The following PRKG1 variants were observed in gnomAD, a reference collection of about 807,000 sequenced individuals.
The protein encoded by PRKG1 is protein kinase cGMP-dependent 1, also known as cGMP-dependent protein kinase 1.
In PRKG1, 35 loss-of-function variants were observed where a neutral mutation model predicts 88.1. The observed-to-expected ratio is 0.40, with a 90% confidence interval of 0.30 to 0.53. The LOEUF (loss-of-function observed/expected upper bound fraction) is 0.53. Among genes scored for constraint, PRKG1 ranks in the 20% least tolerant of loss-of-function variants. PRKG1 has a pLI of 0.59. For synonymous variants in PRKG1, 303 were observed against 292.5 expected (o/e 1.04, Z -0.37); for missense variants, 540 against 839.8 (o/e 0.64, Z 4.41).
chr10:51,090,791 C>G (rs544452033), intron 1 of PRKG1, among the ~76,000 whole-genome samples: 2 of 152,130 alleles, frequency 1.3e-5, no homozygotes, highest in African/African-American at 4.8e-5. Flanking sequence ...AGACCCACTG[C>G]TTTAATGATT....
chr10:51,505,949 G>GTT (rs34194744), intron 3 of PRKG1, among the ~76,000 whole-genome samples: 4 of 151,748 alleles, frequency 2.6e-5, no homozygotes, highest in Non-Finnish European at 4.4e-5. Context: ...ATTTTGAAGG[G>GTT]TTTTTTTGTG....
chr10:52,278,665 C>T (rs772456882), intron 12 of PRKG1, among the ~76,000 whole-genome samples: 3 of 152,034 alleles, frequency 2.0e-5, no homozygotes, highest in African/African-American at 4.8e-5. Context: ...TGGTGGCTCA[C>T]GCCTGTAATC....
chr10:51,022,744 A>G (rs1174206923), intron 1 of PRKG1, among the ~76,000 whole-genome samples: 1 of 152,232 alleles, frequency 6.6e-6, no homozygotes, highest in Non-Finnish European at 1.5e-5. Context: ...TACTCTGAAT[A>G]ACAAATATAG....
chr10:51,225,100 A>G (rs1838655553), intron 2 of PRKG1, among the ~76,000 whole-genome samples: 1 of 152,206 alleles, frequency 6.6e-6, no homozygotes, highest in African/African-American at 2.4e-5. Context: ...TGTGTAGCTT[A>G]TAAACAACAG....
At chr10:51,791,405 C>T (rs554321007) in intron 3 of PRKG1, among the ~76,000 whole-genome samples, 1 of 152,210 alleles carries the variant, frequency 6.6e-6, no homozygotes, top group Admixed American at 6.6e-5. Flanking sequence ...TTATAAACAG[C>T]TCCTCTGAAT....
intron 4 of PRKG1, among the ~76,000 whole-genome samples, chr10:51,808,296 C>T (rs1256904270): frequency 6.6e-6 from 1 of 152,018 alleles, no homozygotes; most frequent in African/African-American, 2.4e-5. Flanking sequence ...GACTTTATCA[C>T]TTTTTTCTTT....
intron 1 of PRKG1, among the ~76,000 whole-genome samples, chr10:50,997,605 T>A (rs990875519): frequency 2.0e-5 from 3 of 152,188 alleles, no homozygotes; most frequent in Non-Finnish European, 4.4e-5. Context: ...ATTATTTTCA[T>A]TTGCCATTGA....
intron 3 of PRKG1, among the ~76,000 whole-genome samples, chr10:51,772,627 CTGTT>C (rs1838332808): frequency 6.6e-6 from 1 of 150,542 alleles, no homozygotes; most frequent in Non-Finnish European, 1.5e-5. Flanking sequence ...TCTGAGTTTT[CTGTT>C]TGTTTGGTTT....
At chr10:51,343,616 T>C (rs1012788718) in intron 2 of PRKG1, among the ~76,000 whole-genome samples, 1 of 152,174 alleles carries the variant, frequency 6.6e-6, no homozygotes, top group African/African-American at 2.4e-5. Flanking sequence ...GACAATAATA[T>C]GTTTTAATAA....
intron 2 of PRKG1, among the ~76,000 whole-genome samples, chr10:51,218,809 A>G (rs892774620): frequency 3.9e-5 from 6 of 151,972 alleles, no homozygotes; most frequent in African/African-American, 7.2e-5. Context: ...CCTACACATA[A>G]TTAATATCAA....
At chr10:51,722,056 C>T (rs1229690618) in intron 3 of PRKG1, among the ~76,000 whole-genome samples, 2 of 152,078 alleles carry the variant, frequency 1.3e-5, no homozygotes, top group Non-Finnish European at 2.9e-5. Flanking sequence ...ATGGTGAAAC[C>T]TTGTCTCTAC....
At position 52,247,391 on chromosome 10, in the gene PRKG1, C is replaced by T. The variant is rs114879585; in HGVS notation, c.1077-4179C>T. ...TGAAACTGGGCCTAATTCCTCAGAC[C>T]CAGTATCCCACAGTAATAAGTTAGA... On this transcript the variant is annotated intron_variant, in intron 9 of 17. Transcript: ENST00000373980. 7.1e-3 allele frequency among the ~76,000 whole-genome samples: 1,073 copies of T among 152,184 alleles called. 11 individuals carry two copies. Among genetic ancestry groups the T allele is most frequent in the African/African-American group, 0.024 (1,015 of 41,518 alleles).
intron 10 of PRKG1, among the ~76,000 whole-genome samples, chr10:52,268,870 G>A (rs762294117): frequency 9.2e-5 from 14 of 151,918 alleles, no homozygotes; most frequent in East Asian, 1.9e-4. Flanking sequence ...TTGGTGGTGC[G>A]TTTTCATTTA....
chr10:52,039,240 A>G (rs10762547), intron 5 of PRKG1, among the ~76,000 whole-genome samples: 131,009 of 151,760 alleles, frequency 0.86, 56,656 homozygotes, highest in East Asian at 1. Context: ...GGGTGGGGCC[A>G]TTTTATAGGA....
At chr10:51,153,957 C>T (rs1269002912) in intron 2 of PRKG1, among the ~76,000 whole-genome samples, 1 of 151,888 alleles carries the variant, frequency 6.6e-6, no homozygotes, top group Admixed American at 6.6e-5. Context: ...TTCTTTCTGA[C>T]CTGAAATCTA....
At chr10:52,216,644 A>T (rs149790276) in intron 9 of PRKG1, among the ~76,000 whole-genome samples, 1 of 152,286 alleles carries the variant, frequency 6.6e-6, no homozygotes, top group East Asian at 1.9e-4. Flanking sequence ...TCCTATTTTA[A>T]ATGTGGCTGG....
intron 4 of PRKG1, among the ~76,000 whole-genome samples, chr10:51,869,456 A>G (rs1841101744): frequency 6.6e-6 from 1 of 152,132 alleles, no homozygotes; most frequent in African/African-American, 2.4e-5. Flanking sequence ...AGCATTCTAA[A>G]TAAAACTTCC....
intron 5 of PRKG1, among the ~76,000 whole-genome samples, chr10:51,983,111 C>A (rs1027759822): frequency 6.6e-6 from 1 of 152,112 alleles, no homozygotes; most frequent in African/African-American, 2.4e-5. Flanking sequence ...CGGCTGTTCT[C>A]TGTGCCTAGT....
chr10:51,940,680 G>A (rs969878454), intron 5 of PRKG1, among the ~76,000 whole-genome samples: 5 of 151,808 alleles, frequency 3.3e-5, no homozygotes. Flanking sequence ...TGTTTCTGAG[G>A]AGTGAGGGGA....
Sources: allele counts gnomAD v4.1 joint callset (sites outside exome capture counted in the v4.1 genomes callset), GRCh38; gene constraint gnomAD v4.1.1; transcripts MANE v1.5; gene names NCBI Gene and HGNC (gene_info 2026-07-23, HGNC 2026-07-21).